Variants in USH2A observed in about 807,000 individuals in gnomAD.
USH2A encodes the protein usherin.
USH2A carries 443 observed loss-of-function variants against 538.9 expected under a neutral mutation model. The observed-to-expected ratio is 0.82, with a 90% CI of 0.76 to 0.89. The LOEUF (loss-of-function observed/expected upper bound fraction) is 0.89, where lower values mean the gene tolerates loss of function less well. Ranked by LOEUF, USH2A falls within the 40% of genes least tolerant of loss-of-function variation. The probability of loss-of-function intolerance (pLI) is 0.00; values close to 1 mark genes in which losing one functional copy is unlikely to be tolerated. For missense variants in USH2A, 6,633 were observed against 6,324.8 expected, an observed-to-expected ratio of 1.05 and a Z score of -1.65; for synonymous variants, 2,413 against 2,273.5, an observed-to-expected ratio of 1.06 and a Z score of -1.75.
At chr1:216,007,359 C>CA (rs201538554) in intron 32 of USH2A, among the ~76,000 whole-genome samples, 2,731 of 151,448 alleles carry the variant, frequency 0.018, 79 homozygotes, top group African/African-American at 0.063. Context: ...GAAAAAAAAA[C>CA]AAAAAAATCT....
At chr1:216,341,768 G>A (rs2038080778) in intron 4 of USH2A, among the ~76,000 whole-genome samples, 1 of 152,054 alleles carries the variant, frequency 6.6e-6, no homozygotes. Context: ...TTTTATAAAT[G>A]GTGCTGGGAA....
chr1:215,836,563 A>AT lies in USH2A; in HGVS notation c.9371+1427dup, dbSNP rs1228939513. 1.6e-3 allele frequency among the ~76,000 whole-genome samples: 46 copies of AT among 29,488 alleles called. 3 individuals carry two copies. Among genetic ancestry groups the AT allele is most frequent in the African/African-American group, 4.4e-3 (40 of 9,112 alleles). 19.3% of individuals were successfully genotyped at this position (29,488 alleles called of 152,430 possible). A position where few individuals can be genotyped will look rare whatever the true frequency, so the allele number is the denominator to read the frequency against. ...ATATAATATATATATATATATATAT[A>AT]TATTTTTTTTTGAGACAGAGTATCA... On this transcript the variant is annotated intron_variant, in intron 47 of 71. Coordinates refer to ENST00000307340, the MANE Select transcript of USH2A (RefSeq NM_206933.4).
intron 49 of USH2A, among the ~76,000 whole-genome samples, chr1:215,803,870 C>T (rs1305336779): frequency 6.6e-6 from 1 of 152,148 alleles, no homozygotes; most frequent in Non-Finnish European, 1.5e-5. Flanking sequence ...ATCACGCTAC[C>T]TGACTTCAAA....
intron 11 of USH2A, among the ~76,000 whole-genome samples, chr1:216,289,036 A>AT (rs933291974): frequency 1.3e-5 from 2 of 152,150 alleles, no homozygotes; most frequent in Non-Finnish European, 2.9e-5. Flanking sequence ...CTACCCTTCG[A>AT]TTTTTTGACA....
At chr1:216,321,524 C>T (rs1233264045) in intron 9 of USH2A, among the ~76,000 whole-genome samples, 2 of 152,016 alleles carry the variant, frequency 1.3e-5, no homozygotes, top group Non-Finnish European at 2.9e-5. Flanking sequence ...TGTATAAATA[C>T]CCTTTAGTAA....
chr1:215,886,051 C>G (rs952538882), intron 41 of USH2A, among the ~76,000 whole-genome samples: 1 of 152,204 alleles, frequency 6.6e-6, no homozygotes, highest in Admixed American at 6.5e-5. Flanking sequence ...AAAAGAGGCA[C>G]TTACAAAGAT....
chr1:215,828,115 C>T (rs964143104), intron 47 of USH2A, among the ~76,000 whole-genome samples: 1 of 152,046 alleles, frequency 6.6e-6, no homozygotes, highest in Non-Finnish European at 1.5e-5. Flanking sequence ...AAGCTCTGAC[C>T]TCTTGAACCA....
chr1:215,710,491 C>T (rs1297881688), intron 61 of USH2A, among the ~76,000 whole-genome samples: 1 of 152,166 alleles, frequency 6.6e-6, no homozygotes, highest in Admixed American at 6.5e-5. Flanking sequence ...TACATCTCAA[C>T]TGCTCATACG....
intron 11 of USH2A, among the ~76,000 whole-genome samples, chr1:216,256,838 A>G (rs2036268372): frequency 6.6e-6 from 1 of 151,990 alleles, no homozygotes; most frequent in African/African-American, 2.4e-5. Context: ...TTTTTGGTCA[A>G]TGGTAGGCCA....
intron 21 of USH2A, among the ~76,000 whole-genome samples, chr1:216,143,408 A>C (rs2033637621): frequency 6.6e-6 from 1 of 152,196 alleles, no homozygotes; most frequent in Non-Finnish European, 1.5e-5. Context: ...GCACCATTTC[A>C]TAACTATTAG....
intron 14 of USH2A, among the ~76,000 whole-genome samples, chr1:216,231,012 A>G (rs1190969785): frequency 6.6e-6 from 1 of 151,334 alleles, no homozygotes; most frequent in Admixed American, 6.6e-5. Flanking sequence ...GAGAATAAGA[A>G]GTAGAATATT....
At position 215,648,594 on chromosome 1, in the gene USH2A, G is replaced by A. The variant is rs139065588; in HGVS notation, c.14516C>T (p.Thr4839Met). 170 of 1,614,176 alleles carry A rather than the reference G, an allele frequency of 1.1e-4. No homozygotes were observed. The highest frequency in any genetic ancestry group is 4.9e-4 in the Middle Eastern group (3 of 6,062). The change falls in exon 66 of 72, where the codon ACG becomes ATG. Residue 4839 changes from threonine to methionine, a missense_variant. Physicochemically the swap from Thr to Met is moderately conservative, Grantham distance 81. Transcript: ENST00000307340. ...GAAGGAGGCCGTCCTTGAGGCCAGC[G>A]TCCCGATTTGTGGAGAGGACAGTCC... is the stretch of plus-strand genomic sequence containing the variant. ...PSGLSSPQIG[T>M]LASRTASFRW...
At chr1:216,299,144 GAAT>G (rs2102619861) in intron 9 of USH2A, among the ~76,000 whole-genome samples, 1 of 151,966 alleles carries the variant, frequency 6.6e-6, no homozygotes, top group African/African-American at 2.4e-5. Context: ...GCCTGTCCGA[GAAT>G]ATGTTTTTAA....
chr1:216,054,081 C>T (rs1213103939), intron 30 of USH2A, among the ~76,000 whole-genome samples: 1 of 152,122 alleles, frequency 6.6e-6, no homozygotes. Flanking sequence ...GAGGGCATAG[C>T]CTTTTACTGC....
intron 59 of USH2A, 52 bp downstream of exon 59, chr1:215,743,125 A>G: frequency 6.3e-7 from 1 of 1,589,908 alleles, no homozygotes; most frequent in Non-Finnish European, 8.6e-7. Flanking sequence ...GAAATTTTTT[A>G]ATGAAATACT....
At chr1:216,358,666 G>T (rs1429567336) in intron 4 of USH2A, among the ~76,000 whole-genome samples, 2 of 152,008 alleles carry the variant, frequency 1.3e-5, no homozygotes, top group Non-Finnish European at 2.9e-5. Flanking sequence ...CATATAAATT[G>T]ATAGAATAAA....
chr1:216,284,251 G>T (rs2036840021), intron 11 of USH2A, among the ~76,000 whole-genome samples: 1 of 152,098 alleles, frequency 6.6e-6, no homozygotes, highest in African/African-American at 2.4e-5. Context: ...TTGAATTGTA[G>T]TTCCCATAAT....
intron 34 of USH2A, among the ~76,000 whole-genome samples, chr1:215,998,231 A>G (rs930116924): frequency 6.6e-6 from 1 of 152,136 alleles, no homozygotes; most frequent in Non-Finnish European, 1.5e-5. Context: ...AACTTAAAAA[A>G]GATTATATTT....
chr1:216,124,111 T>C (rs2033196863), intron 21 of USH2A, among the ~76,000 whole-genome samples: 1 of 152,166 alleles, frequency 6.6e-6, no homozygotes, highest in African/African-American at 2.4e-5. Context: ...GTAATTTAAA[T>C]AGAAACCTTT....
Sources: allele counts gnomAD v4.1 joint callset (sites outside exome capture counted in the v4.1 genomes callset), GRCh38; gene constraint gnomAD v4.1.1; transcripts MANE v1.5; gene names NCBI Gene and HGNC (gene_info 2026-07-23, HGNC 2026-07-21).